Variants in POU6F2 observed in about 807,000 individuals in gnomAD.
The protein encoded by POU6F2 is POU domain, class 6, transcription factor 2.
POU6F2 carries 31 observed loss-of-function variants against 71.3 expected under a neutral mutation model. The observed-to-expected ratio is 0.43, with a 90% CI of 0.33 to 0.59. POU6F2 has a LOEUF of 0.59. Ranked by LOEUF, POU6F2 falls within the 20% of genes least tolerant of loss-of-function variation. The probability of loss-of-function intolerance (pLI) is 0.04; values close to 1 mark genes in which losing one functional copy is unlikely to be tolerated. For missense variants in POU6F2, 783 were observed against 856.8 expected (o/e 0.91, Z 1.07); for synonymous variants, 347 against 355.7 (o/e 0.98, Z 0.27).
intron 2 of POU6F2, among the ~76,000 whole-genome samples, chr7:39,167,769 T>C (rs1322705046): frequency 6.6e-6 from 1 of 151,918 alleles, no homozygotes; most frequent in East Asian, 1.9e-4. Flanking sequence ...TTTATGAATA[T>C]TAATGCTCTA....
intron 1 of POU6F2, among the ~76,000 whole-genome samples, chr7:39,024,399 T>C (rs1214870501): frequency 1.3e-5 from 2 of 151,974 alleles, no homozygotes; most frequent in African/African-American, 4.8e-5. Context: ...CTTAAGGAGA[T>C]TTTGGGCTGA....
rs182602035 is a variant in POU6F2, at chr7:39,373,609, T to C, written c.973-32991T>C. ...TGCCTACCTAGTCTAGCTAACTGTA[T>C]GCATTTACTGGAGAAGCAATAATTT... is the stretch of plus-strand genomic sequence containing the variant. On this transcript the variant is annotated intron_variant, in intron 5 of 9. Coordinates refer to ENST00000518318, the MANE Select transcript of POU6F2 (RefSeq NM_001370959.1). 3 of 438,874 alleles carry C rather than the reference T, an allele frequency of 6.8e-6. No individual in the cohort carries two copies. The Admixed American group carries it at 7.4e-5, about 11-fold the overall frequency. The allele number at this position is 438,874 out of a possible 1,614,324, so 27.2% of individuals were successfully genotyped here. A position where few individuals can be genotyped will look rare whatever the true frequency, so the allele number is the denominator to read the frequency against.
At chr7:39,188,502 AG>A (rs1036793705) in intron 2 of POU6F2, among the ~76,000 whole-genome samples, 1 of 152,060 alleles carries the variant, frequency 6.6e-6, no homozygotes, top group Non-Finnish European at 1.5e-5. Context: ...TAGTAGAAAC[AG>A]GGTTTCGCCA....
At chr7:39,384,675 A>C (rs1395820424) in intron 5 of POU6F2, among the ~76,000 whole-genome samples, 1 of 152,172 alleles carries the variant, frequency 6.6e-6, no homozygotes, top group Non-Finnish European at 1.5e-5. Flanking sequence ...TCTCATTTCT[A>C]AACTCTCACC....
intron 4 of POU6F2, among the ~76,000 whole-genome samples, chr7:39,328,297 A>G (rs977763467): frequency 3.3e-5 from 5 of 152,262 alleles, no homozygotes; most frequent in South Asian, 2.1e-4. Context: ...AGGATGAAAC[A>G]TGCAGGATCT....
chr7:39,231,839 CT>C (rs1233572976), intron 4 of POU6F2, among the ~76,000 whole-genome samples: 1 of 152,134 alleles, frequency 6.6e-6, no homozygotes, highest in Non-Finnish European at 1.5e-5. Context: ...TTGTATTTAT[CT>C]ACTAAAAGTT....
chr7:39,314,860 T>C (rs963125473), intron 4 of POU6F2, among the ~76,000 whole-genome samples: 1 of 152,100 alleles, frequency 6.6e-6, no homozygotes, highest in African/African-American at 2.4e-5. Flanking sequence ...TAATTACTCT[T>C]CTGAACTTTA....
chr7:39,231,104 A>G (rs1165981451), intron 4 of POU6F2, among the ~76,000 whole-genome samples: 1 of 152,192 alleles, frequency 6.6e-6, no homozygotes, highest in African/African-American at 2.4e-5. Context: ...CTAGCCCCAA[A>G]TGTCAATTGT....
At chr7:39,255,512 C>G (rs1276022347) in intron 4 of POU6F2, among the ~76,000 whole-genome samples, 1 of 151,966 alleles carries the variant, frequency 6.6e-6, no homozygotes, top group Non-Finnish European at 1.5e-5. Flanking sequence ...ATTTGGTGGT[C>G]AATAAATGTT....
intron 4 of POU6F2, among the ~76,000 whole-genome samples, chr7:39,293,436 T>C (rs1784798406): frequency 6.6e-6 from 1 of 152,234 alleles, no homozygotes; most frequent in South Asian, 2.1e-4. Flanking sequence ...AGTCTATTCA[T>C]ATAATAAGGC....
chr7:38,989,283 ATAAAG>A (rs1458386221), intron 1 of POU6F2, among the ~76,000 whole-genome samples: 3 of 152,166 alleles, frequency 2.0e-5, no homozygotes, highest in Non-Finnish European at 4.4e-5. Flanking sequence ...CTTTAGACTT[ATAAAG>A]TAATCTGAGT....
At chr7:39,313,123 T>C (rs1364800871) in intron 4 of POU6F2, among the ~76,000 whole-genome samples, 1 of 151,992 alleles carries the variant, frequency 6.6e-6, no homozygotes, top group African/African-American at 2.4e-5. Flanking sequence ...GGTTTACAAG[T>C]TTCTGCCCCT....
At chr7:39,016,409 C>G (rs868238120) in intron 1 of POU6F2, among the ~76,000 whole-genome samples, 7 of 151,434 alleles carry the variant, frequency 4.6e-5, no homozygotes, top group Non-Finnish European at 1.0e-4. Context: ...GATCACTAAA[C>G]TAGGACATGG....
chr7:39,036,439 T>C (rs1340558677), intron 1 of POU6F2, among the ~76,000 whole-genome samples: 1 of 152,158 alleles, frequency 6.6e-6, no homozygotes, highest in Non-Finnish European at 1.5e-5. Context: ...TTATAATTAA[T>C]TGTCATGAAT....
chr7:39,270,461 T>G (rs1562771009), intron 4 of POU6F2, among the ~76,000 whole-genome samples: 3 of 152,232 alleles, frequency 2.0e-5, no homozygotes. Context: ...TTTTAACACA[T>G]GCTATATTGC....
intron 2 of POU6F2, among the ~76,000 whole-genome samples, chr7:39,112,948 T>C (rs1791850201): frequency 6.6e-6 from 1 of 152,160 alleles, no homozygotes; most frequent in Non-Finnish European, 1.5e-5. Flanking sequence ...GCTGAAAATT[T>C]TGAATTTTAA....
At chr7:39,189,004 T>C (rs1793602567) in intron 2 of POU6F2, among the ~76,000 whole-genome samples, 14 of 152,232 alleles carry the variant, frequency 9.2e-5, no homozygotes, top group Admixed American at 9.2e-4. Context: ...GCATTATCCA[T>C]ACCTCCCACA....
At chr7:39,367,872 C>A (rs977191340) in intron 5 of POU6F2, among the ~76,000 whole-genome samples, 1 of 152,102 alleles carries the variant, frequency 6.6e-6, no homozygotes, top group Non-Finnish European at 1.5e-5. Context: ...GGGCAGTGAT[C>A]TTTGATGTTA....
At chr7:38,996,520 A>G (rs1021852382) in intron 1 of POU6F2, among the ~76,000 whole-genome samples, 7 of 151,986 alleles carry the variant, frequency 4.6e-5, no homozygotes, top group Admixed American at 2.0e-4. Context: ...TATTATTTCT[A>G]TCTATTCTTT....
Sources: gnomAD v4.1 joint callset for allele counts (sites outside exome capture counted in the v4.1 genomes callset) on GRCh38, gnomAD v4.1.1 for gene constraint, MANE v1.5 for transcripts, NCBI Gene and HGNC (gene_info 2026-07-23, HGNC 2026-07-21) for gene names.